The following SUCLA2 variants were observed in gnomAD, a reference collection of about 807,000 sequenced individuals.
The protein encoded by SUCLA2 is succinate--CoA ligase [ADP-forming] subunit beta, mitochondrial.
In SUCLA2, 30 loss-of-function variants were observed where a neutral mutation model predicts 54.8. The observed-to-expected ratio is 0.55, with a 90% CI of 0.41 to 0.74. The LOEUF (loss-of-function observed/expected upper bound fraction) is 0.74, where lower values mean the gene tolerates loss of function less well. SUCLA2 is among the 30% of genes least tolerant of loss of function. The probability of loss-of-function intolerance (pLI) is 0.00; values close to 1 mark genes in which losing one functional copy is unlikely to be tolerated. For missense variants in SUCLA2, 476 were observed against 562.9 expected (o/e 0.85, Z 1.56); for synonymous variants, 172 against 188.9 (o/e 0.91, Z 0.74).
At chr13:47,991,232 A>G (rs748733922) in intron 2 of SUCLA2, among the ~76,000 whole-genome samples, 5 of 152,202 alleles carry the variant, frequency 3.3e-5, no homozygotes, top group African/African-American at 9.7e-5. Flanking sequence ...AGTGCTTACA[A>G]TGGCCTAGAA....
chr13:47,974,099 A>G (rs999452055), intron 4 of SUCLA2, among the ~76,000 whole-genome samples: 2 of 148,124 alleles, frequency 1.4e-5, no homozygotes, highest in Non-Finnish European at 3.0e-5. Flanking sequence ...AAAAAAAAAA[A>G]GAAAAAAAAC....
intron 4 of SUCLA2, among the ~76,000 whole-genome samples, chr13:47,983,054 A>G (rs1950071853): frequency 6.6e-6 from 1 of 152,184 alleles, no homozygotes; most frequent in African/African-American, 2.4e-5. Flanking sequence ...GTGCAGGACT[A>G]TGCTCTTAGC....
In SUCLA2 at chr13:47,990,619, G is replaced by A. The variant is rs1376916249; in HGVS notation, c.272-1638C>T. 3.3e-5 allele frequency among the ~76,000 whole-genome samples: 5 copies of A among 152,064 alleles called. 1 individual carries two copies. The highest frequency in any genetic ancestry group is 5.9e-5 in the Non-Finnish European group (4 of 68,032). ...ATAACCTTTGAGATCAGGGCTAAAG[G>A]TCTCACTGTATTCATTATATCCCAA... is the stretch of plus-strand genomic sequence containing the variant. On this transcript the variant is annotated intron_variant, in intron 2 of 10. Transcript: ENST00000646932.
chr13:47,943,422 C>T lies in SUCLA2; in HGVS notation c.1341G>A (p.Val447=), dbSNP rs926153823. Residue 447 remains valine (V), a synonymous_variant, in exon 11 of 11, where the codon GTG becomes GTA. Transcript: ENST00000646932. Reference sequence around the variant, plus strand: ...CCACATGTGCTTGCTTCGCTAAGGTCACTATTTCAGAGAGCTTTACAACCT... The same window carrying T: ...CCACATGTGCTTGCTTCGCTAAGGTTACTATTTCAGAGAGCTTTACAACCT... ...ARMVVKLSEI[V]TLAKQAHVDV... The T allele has an allele frequency of 6.2e-7, 1 of 1,613,850 alleles. No homozygotes were observed. Among genetic ancestry groups the T allele is most frequent in the African/African-American group, 1.3e-5 (1 of 75,018 alleles).
chr13:47,957,526 C>A (rs1163399789), intron 6 of SUCLA2, among the ~76,000 whole-genome samples: 1 of 152,150 alleles, frequency 6.6e-6, no homozygotes, highest in African/African-American at 2.4e-5. Flanking sequence ...CAACCACATT[C>A]CTGATTGCCT....
chr13:47,997,701 G>A (rs1183983938), intron 1 of SUCLA2, among the ~76,000 whole-genome samples: 1 of 152,170 alleles, frequency 6.6e-6, no homozygotes, highest in Admixed American at 6.5e-5. Context: ...ACATTTAAAT[G>A]TTATCCACGC....
At chr13:47,985,324 C>G (rs1160767533) in intron 4 of SUCLA2, among the ~76,000 whole-genome samples, 3 of 151,894 alleles carry the variant, frequency 2.0e-5, no homozygotes, top group African/African-American at 7.3e-5. Flanking sequence ...CTGTACAGAT[C>G]ATCCCATCAC....
intron 6 of SUCLA2, among the ~76,000 whole-genome samples, chr13:47,956,661 A>C (rs1949824027): frequency 6.6e-6 from 1 of 152,198 alleles, no homozygotes; most frequent in Non-Finnish European, 1.5e-5. Flanking sequence ...TAAAGTAGTA[A>C]ATGTCAAGAA....
intron 10 of SUCLA2, among the ~76,000 whole-genome samples, chr13:47,947,088 T>A (rs1305861578): frequency 6.6e-6 from 1 of 152,178 alleles, no homozygotes; most frequent in African/African-American, 2.4e-5. Flanking sequence ...CATTTTATCA[T>A]ACCAGATAGA....
Position 47,943,255 on chromosome 13 carries a change from T to C in SUCLA2, c.*116A>G. The C allele has an allele frequency of 1.0e-6, 1 of 1,004,818 alleles. No homozygotes were observed. The highest frequency in any genetic ancestry group is 1.6e-6 in the Non-Finnish European group (1 of 628,416). 62.2% of individuals were successfully genotyped at this position (1,004,818 alleles called of 1,614,324 possible). On this transcript the variant is annotated 3_prime_UTR_variant, in exon 11 of 11. Coordinates refer to ENST00000646932, the MANE Select transcript of SUCLA2 (RefSeq NM_003850.3). ...AAATCCTTTTAAATGTTTGTGTGCC[T>C]AGATGGCAATTACAATCTCCACACA...
At chr13:47,946,831 G>A (rs1048498397) in intron 10 of SUCLA2, among the ~76,000 whole-genome samples, 9 of 151,968 alleles carry the variant, frequency 5.9e-5, no homozygotes, top group Non-Finnish European at 1.0e-4. Context: ...TGGCATGAAC[G>A]AAGGTACAAA....
intron 4 of SUCLA2, among the ~76,000 whole-genome samples, chr13:47,977,663 G>A (rs6561420): frequency 0.73 from 110,845 of 151,946 alleles, 41,357 homozygotes; most frequent in Non-Finnish European, 0.82. Flanking sequence ...CAGAATGAAG[G>A]ACAAAAACCA....
chr13:47,978,163 T>G (rs935848288), intron 4 of SUCLA2, among the ~76,000 whole-genome samples: 3 of 152,132 alleles, frequency 2.0e-5, no homozygotes, highest in African/African-American at 7.2e-5. Flanking sequence ...TAGAAAAAAC[T>G]ACTGTAAATT....
chr13:47,976,167 A>C (rs1950011009), intron 4 of SUCLA2, among the ~76,000 whole-genome samples: 1 of 152,240 alleles, frequency 6.6e-6, no homozygotes, highest in African/African-American at 2.4e-5. Flanking sequence ...AAGGTCAGCA[A>C]GATGACAAAA....
intron 5 of SUCLA2, among the ~76,000 whole-genome samples, chr13:47,969,861 G>C (rs1001795550): frequency 2.0e-5 from 3 of 152,250 alleles, no homozygotes; most frequent in Admixed American, 1.3e-4. Context: ...CAGCACTTTG[G>C]GAGGACAAAG....
chr13:47,951,779 TA>T (rs1483327708), intron 8 of SUCLA2, among the ~76,000 whole-genome samples: 37 of 152,090 alleles, frequency 2.4e-4, no homozygotes, highest in African/African-American at 8.7e-4. Flanking sequence ...GCCAGATAAT[TA>T]TCTCCATCTA....
intron 6 of SUCLA2, among the ~76,000 whole-genome samples, chr13:47,968,028 G>A (rs927088911): frequency 1.3e-5 from 2 of 151,964 alleles, no homozygotes; most frequent in African/African-American, 4.8e-5. Context: ...GAGTTCCCCA[G>A]GATATGTTAT....
At chr13:47,998,508 T>A (rs1177365328) in intron 1 of SUCLA2, among the ~76,000 whole-genome samples, 2 of 151,926 alleles carry the variant, frequency 1.3e-5, no homozygotes, top group African/African-American at 4.8e-5. Context: ...TGATTGCCCA[T>A]CAACAGGAGA....
At chr13:47,964,469 T>TA (rs937390598) in intron 6 of SUCLA2, among the ~76,000 whole-genome samples, 39 of 151,888 alleles carry the variant, frequency 2.6e-4, no homozygotes, top group African/African-American at 7.5e-4. Flanking sequence ...TTTAAAATGT[T>TA]AAAAAAAATG....
Sources: gnomAD v4.1 joint callset for allele counts (sites outside exome capture counted in the v4.1 genomes callset) on GRCh38, gnomAD v4.1.1 for gene constraint, MANE v1.5 for transcripts, NCBI Gene and HGNC (gene_info 2026-07-23, HGNC 2026-07-21) for gene names.